Variants in CRTAP observed in about 807,000 individuals in gnomAD.
The protein encoded by CRTAP is cartilage associated protein, also known as cartilage-associated protein.
Under a neutral mutation model 42.7 loss-of-function variants are expected in CRTAP, and 33 were observed. The observed-to-expected ratio is 0.77, with a 90% CI of 0.59 to 1.03. CRTAP has a LOEUF of 1.03. Ranked by LOEUF, CRTAP falls within the 50% of genes least tolerant of loss-of-function variation. The pLI is 0.00. For synonymous variants in CRTAP, 243 were observed against 217.7 expected, an observed-to-expected ratio of 1.12 and a Z score of -1.02; for missense variants, 613 against 533.9, an observed-to-expected ratio of 1.15 and a Z score of -1.46.
At chr3:33,123,715 C>T (rs763146254) in intron 2 of CRTAP, among the ~76,000 whole-genome samples, 4 of 150,766 alleles carry the variant, frequency 2.7e-5, no homozygotes, top group Non-Finnish European at 4.4e-5. Context: ...CTGCCACCTC[C>T]GCCTCCTAGG....
chr3:33,122,321 G>A lies in CRTAP; in HGVS notation c.621+1828G>A, dbSNP rs186227845. On this transcript the variant is annotated intron_variant, in intron 2 of 6. Transcript: ENST00000320954. Reference sequence around the variant, plus strand: ...GCTTCTGCAGAACCAGCTGTCTGGAGTTGGCTACTTATTGACCCATTCTTC... The same window carrying A: ...GCTTCTGCAGAACCAGCTGTCTGGAATTGGCTACTTATTGACCCATTCTTC... Among the ~76,000 whole-genome samples, 12 of 152,080 alleles carry A rather than the reference G, an allele frequency of 7.9e-5. No individual in the cohort carries two copies. The East Asian group carries it at 2.3e-3, about 30-fold the overall frequency.
At chr3:33,129,900 T>C in intron 3 of CRTAP, 39 bp from the exon 4 acceptor site, 1 of 1,597,202 alleles carries the variant, frequency 6.3e-7, no homozygotes, top group South Asian at 1.1e-5. Context: ...AAGAAAGTAA[T>C]GGATCCACTG....
At chr3:33,119,349 A>T (rs185839417) in intron 1 of CRTAP, among the ~76,000 whole-genome samples, 25 of 152,286 alleles carry the variant, frequency 1.6e-4, no homozygotes, top group Non-Finnish European at 2.6e-4. Context: ...TCATAGTCTG[A>T]TGGGGGAGAT....
chr3:33,123,973 A>C (rs1575516038), intron 2 of CRTAP, among the ~76,000 whole-genome samples: 1 of 152,204 alleles, frequency 6.6e-6, no homozygotes, highest in African/African-American at 2.4e-5. Context: ...TATCAATTTT[A>C]AGTGTATAAT....
Position 33,142,690 on chromosome 3 carries a change from T to C in CRTAP, c.*242T>C, listed in dbSNP as rs760778716. On this transcript the variant is annotated 3_prime_UTR_variant, in exon 7 of 7. Coordinates refer to ENST00000320954, the MANE Select transcript of CRTAP (RefSeq NM_006371.5). ...TTTTTTTTGAGATGGAGTCTCGCTC[T>C]CTTGCCCAGGCTGGAGTGCAATGGC... 4.1e-6 allele frequency: 2 copies of C among 482,660 alleles called. No homozygotes were observed. Among genetic ancestry groups the C allele is most frequent in the South Asian group, 2.2e-5 (1 of 44,612 alleles). The allele number at this position is 482,660 out of a possible 1,614,324, so 29.9% of individuals were successfully genotyped here.
rs770975997 is a variant in CRTAP, at chr3:33,114,561, C to A, written c.471+13C>A. On this transcript the variant is annotated intron_variant, in intron 1 of 6. Coordinates refer to ENST00000320954, the MANE Select transcript of CRTAP (RefSeq NM_006371.5). ...CGCTTACTTCAAGGCAAGTCCGCCT[C>A]GCCCCGTCCCAGGCCCCGGCCCCGC... The A allele has an allele frequency of 6.4e-7, 1 of 1,564,156 alleles. No homozygotes were observed. Among genetic ancestry groups the A allele is most frequent in the Admixed American group, 1.9e-5 (1 of 53,560 alleles).
At chr3:33,121,085 G>C (rs1324380514) in intron 2 of CRTAP, among the ~76,000 whole-genome samples, 1 of 152,156 alleles carries the variant, frequency 6.6e-6, no homozygotes, top group East Asian at 1.9e-4. Flanking sequence ...CTGGGGGCCT[G>C]GGTTTCAAGC....
At chr3:33,136,398 T>G (rs2030419356) in intron 6 of CRTAP, among the ~76,000 whole-genome samples, 1 of 152,202 alleles carries the variant, frequency 6.6e-6, no homozygotes, top group South Asian at 2.1e-4. Context: ...AGCTTTCCAG[T>G]TTTTTATACC....
chr3:33,129,159 C>T (rs550664277), intron 3 of CRTAP, among the ~76,000 whole-genome samples: 1 of 152,276 alleles, frequency 6.6e-6, no homozygotes, highest in South Asian at 2.1e-4. Flanking sequence ...TAGAAGTAGA[C>T]AGCTGGGTTG....
Position 33,129,998 on chromosome 3 carries a change from A to G in CRTAP, c.853A>G (p.Ile285Val). 1.9e-6 allele frequency: 3 copies of G among 1,613,312 alleles called. No homozygotes were observed. The highest frequency in any genetic ancestry group is 1.3e-5 in the African/African-American group (1 of 75,030). The change falls in exon 4 of 7, where the codon ATA becomes GTA. Residue 285 changes from isoleucine (I) to valine (V), a missense_variant. Ile to Val is a conservative substitution (Grantham distance 29). Transcript: ENST00000320954. ...IQCEENLTPVIGGYPVEKFVA... is the reference protein window; with the variant it reads ...IQCEENLTPVVGGYPVEKFVA... Reference sequence around the variant, plus strand: ...GTGTGAAGAGAACCTCACCCCAGTTATAGGAGGCTATCCGGTTGAGAAATT... The same window carrying G: ...GTGTGAAGAGAACCTCACCCCAGTTGTAGGAGGCTATCCGGTTGAGAAATT...
At chr3:33,123,625 G>GTTTTTTTTTTTT (rs141876885) in intron 2 of CRTAP, among the ~76,000 whole-genome samples, 1 of 106,372 alleles carries the variant, frequency 9.4e-6, no homozygotes, top group African/African-American at 3.8e-5. Context: ...CCCAGTCTCG[G>GTTTTTTTTTTTT]TTTTTTTTTT....
intron 6 of CRTAP, among the ~76,000 whole-genome samples, chr3:33,135,186 G>A (rs1330970404): frequency 6.6e-6 from 1 of 152,190 alleles, no homozygotes; most frequent in Non-Finnish European, 1.5e-5. Flanking sequence ...TTCTAAACTG[G>A]AAAGTGATGC....
intron 4 of CRTAP, 23 bp downstream of exon 4, chr3:33,130,090 T>C (rs1401281309): frequency 6.2e-7 from 1 of 1,609,798 alleles, no homozygotes; most frequent in Admixed American, 1.7e-5. Context: ...CTGTGACATC[T>C]TGGGTGAGGC....
At chr3:33,131,695 A>G (rs970083103) in intron 4 of CRTAP, among the ~76,000 whole-genome samples, 12 of 152,072 alleles carry the variant, frequency 7.9e-5, no homozygotes, top group African/African-American at 2.7e-4. Flanking sequence ...ACCACCTACC[A>G]TGCTACATTG....
chr3:33,122,888 A>T (rs566409097), intron 2 of CRTAP, among the ~76,000 whole-genome samples: 3 of 152,160 alleles, frequency 2.0e-5, no homozygotes, highest in African/African-American at 7.2e-5. Flanking sequence ...TCTGCAAGTT[A>T]GCAGGTTTTG....
chr3:33,121,263 G>A (rs2029874004), intron 2 of CRTAP, among the ~76,000 whole-genome samples: 1 of 152,074 alleles, frequency 6.6e-6, no homozygotes, highest in Non-Finnish European at 1.5e-5. Flanking sequence ...ACAAAAATTA[G>A]CTGGGCGTGG....
intron 3 of CRTAP, among the ~76,000 whole-genome samples, chr3:33,128,042 C>G (rs761301506): frequency 1.3e-5 from 2 of 152,180 alleles, no homozygotes; most frequent in African/African-American, 2.4e-5. Context: ...GCCACCGCAC[C>G]CAGCTCTGTA....
intron 4 of CRTAP, among the ~76,000 whole-genome samples, chr3:33,131,663 C>T (rs978514566): frequency 6.6e-6 from 1 of 152,088 alleles, no homozygotes; most frequent in Non-Finnish European, 1.5e-5. Flanking sequence ...TGAAAATCTG[C>T]CCCGTTTTGA....
rs2030653571 is a variant in CRTAP at position 33,144,034 on chromosome 3, T to C, written c.*1586T>C. On this transcript the variant is annotated 3_prime_UTR_variant, in exon 7 of 7. Coordinates refer to ENST00000320954, the MANE Select transcript of CRTAP (RefSeq NM_006371.5). Reference sequence around the variant, plus strand: ...TGCAAGGGTCATTCTAGCTGCCATATTGTGAAAAACTTTAGTGGACAAGGG... The same window carrying C: ...TGCAAGGGTCATTCTAGCTGCCATACTGTGAAAAACTTTAGTGGACAAGGG... 2 of 152,260 alleles carry C rather than the reference T, an allele frequency of 1.3e-5. No homozygotes were observed. The highest frequency in any genetic ancestry group is 2.4e-5 in the African/African-American group (1 of 41,444). 9.4% of individuals were successfully genotyped at this position (152,260 alleles called of 1,614,324 possible).
Sources: gnomAD v4.1 joint callset for allele counts (sites outside exome capture counted in the v4.1 genomes callset) on GRCh38, gnomAD v4.1.1 for gene constraint, MANE v1.5 for transcripts, NCBI Gene and HGNC (gene_info 2026-07-23, HGNC 2026-07-21) for gene names.